NPAT: variants seen among roughly 807,000 people sequenced by gnomAD.
NPAT encodes protein NPAT.
In NPAT, 52 loss-of-function variants were observed where a neutral mutation model predicts 130.7. The observed-to-expected ratio is 0.40, with a 90% CI of 0.32 to 0.50. NPAT has a LOEUF of 0.50. NPAT is among the 20% of genes least tolerant of loss of function. NPAT has a pLI of 0.68. For missense variants in NPAT, 1,687 were observed against 1,662.6 expected, an observed-to-expected ratio of 1.01 and a Z score of -0.26; for synonymous variants, 580 against 584.8, an observed-to-expected ratio of 0.99 and a Z score of 0.12.
At position 108,173,458 on chromosome 11, in the gene NPAT, A is replaced by T; in HGVS notation, c.1526T>A (p.Ile509Lys). ...ACAACCAAGTGAAACAAATGAAGTT[A>T]TTGGTATATCAGGCTGATCAGGCTG... ...QLQPDQPDIP[I>K]TSFVSLGCEA... Residue 509 changes from isoleucine (I) to lysine (K), a missense_variant, in exon 13 of 18, where the codon ATA becomes AAA. Physicochemically the swap from Ile to Lys is moderately radical, Grantham distance 102 (BLOSUM62 -3). This residue lies in a region of NPAT where 1,379 missense variants were observed against 1,346.6 expected (regional missense o/e 1.02). Coordinates refer to ENST00000278612, the MANE Select transcript of NPAT (RefSeq NM_002519.3). The T allele has an allele frequency of 6.2e-7, 1 of 1,614,200 alleles. No homozygotes were observed. Among genetic ancestry groups the T allele is most frequent in the Non-Finnish European group, 8.5e-7 (1 of 1,180,028 alleles).
At chr11:108,179,313 G>A (rs182510110) in intron 10 of NPAT, among the ~76,000 whole-genome samples, 16 of 152,012 alleles carry the variant, frequency 1.1e-4, no homozygotes, top group Admixed American at 5.9e-4. Flanking sequence ...CGTTGCCCAG[G>A]CTAGAGTGCA....
At chr11:108,178,932 G>A (rs140551864) in intron 10 of NPAT, among the ~76,000 whole-genome samples, 1,964 of 152,202 alleles carry the variant, frequency 0.013, 53 homozygotes, top group African/African-American at 0.044. Context: ...TCTTGAAACA[G>A]AAGAACAAAT....
chr11:108,202,535 A>C (rs1591411901), intron 1 of NPAT, among the ~76,000 whole-genome samples: 1 of 152,204 alleles, frequency 6.6e-6, no homozygotes, highest in Non-Finnish European at 1.5e-5. Context: ...CCAGCCAGGT[A>C]GTTCTTAAAA....
At chr11:108,192,506 A>G (rs1396863684) in intron 3 of NPAT, among the ~76,000 whole-genome samples, 2 of 152,200 alleles carry the variant, frequency 1.3e-5, no homozygotes, top group African/African-American at 2.4e-5. Context: ...GTTCTATCTG[A>G]TATCATGTGA....
chr11:108,197,600 T>C (rs2078235655), intron 1 of NPAT, among the ~76,000 whole-genome samples, 180 bp from the exon 2 acceptor site: 1 of 152,244 alleles, frequency 6.6e-6, no homozygotes, highest in Non-Finnish European at 1.5e-5. Context: ...GTACAGTTCA[T>C]AGAACAGGTG....
At chr11:108,209,552 AAAAC>A (rs1422172331) in intron 1 of NPAT, among the ~76,000 whole-genome samples, 1 of 152,160 alleles carries the variant, frequency 6.6e-6, no homozygotes, top group Admixed American at 6.5e-5. Context: ...ATCTTGTCTC[AAAAC>A]AAACAAACAA....
At chr11:108,181,970 G>C (rs932872539) in intron 10 of NPAT, among the ~76,000 whole-genome samples, 7 of 152,134 alleles carry the variant, frequency 4.6e-5, no homozygotes, top group African/African-American at 1.7e-4. Context: ...CTTTTCAAGG[G>C]GTGGGGCCTG....
At chr11:108,190,631 C>CA (rs1346331424) in intron 4 of NPAT, 131 bp from the exon 5 acceptor site, 1 of 762,110 alleles carries the variant, frequency 1.3e-6, no homozygotes, top group Non-Finnish European at 2.3e-6. Context: ...ACAAAAAAGA[C>CA]AAACACACAC....
Position 108,169,779 on chromosome 11 carries a change from T to C in NPAT, c.2975A>G (p.Gln992Arg), listed in dbSNP as rs2077932784. The C allele has an allele frequency of 3.1e-6, 5 of 1,611,522 alleles. No individual in the cohort carries two copies. Among genetic ancestry groups the C allele is most frequent in the Non-Finnish European group, 3.4e-6 (4 of 1,177,746 alleles). The change falls in exon 15 of 18, where the codon CAG (glutamine) becomes CGG (arginine). Residue 992 changes from glutamine (Q) to arginine (R), a missense_variant. Physicochemically the swap from Gln to Arg is conservative, Grantham distance 43. Coordinates refer to ENST00000278612, the MANE Select transcript of NPAT (RefSeq NM_002519.3). The stretch of plus-strand genomic sequence containing the variant: ...CTTGTTTCTTAGTCCCTGAGCCTTC[T>C]GAGATTTTGGAGGGACGGGGAATTG... ...IPQFPVPPKSQKAQGLRNKPC... is the reference protein window; with the variant it reads ...IPQFPVPPKSRKAQGLRNKPC...
rs752727097 is a variant in NPAT at position 108,161,921 on chromosome 11, A to C, written c.3165T>G (p.Ala1055=). ...GTACACGTCTGTGGCATGGTTTAGC[A>C]GCTGGAACTATACTCTCTTCTGGGA... ...VPFPEESIVP[A]AKPCHRRVLC... is the part of the protein sequence containing the mutation. The change falls in exon 17 of 18, where the codon GCT becomes GCG. Residue 1055 remains alanine, a synonymous_variant. Transcript: ENST00000278612. The C allele has an allele frequency of 1.2e-6, 2 of 1,610,878 alleles. No individual in the cohort carries two copies. The highest frequency in any genetic ancestry group is 4.5e-5 in the East Asian group (2 of 44,854).
chr11:108,162,190 T>C lies in NPAT; in HGVS notation c.3011-10A>G, dbSNP rs912112823. The C allele has an allele frequency of 6.2e-7, 1 of 1,609,216 alleles. No homozygotes were observed. Among genetic ancestry groups the C allele is most frequent in the Non-Finnish European group, 8.5e-7 (1 of 1,175,768 alleles). On this transcript the variant is annotated splice_polypyrimidine_tract_variant and intron_variant, in intron 15 of 17. Coordinates refer to ENST00000278612, the MANE Select transcript of NPAT (RefSeq NM_002519.3). ...TTATTTACTTGTTTTCCTGAAATTATAAATGAACATTCCTGAGAAAAAGAA... is the reference window on the plus strand; with the variant it reads ...TTATTTACTTGTTTTCCTGAAATTACAAATGAACATTCCTGAGAAAAAGAA...
chr11:108,186,332 G>A (rs2078107770), intron 8 of NPAT, 150 bp downstream of exon 8: 1 of 662,808 alleles, frequency 1.5e-6, no homozygotes, highest in Non-Finnish European at 2.7e-6. Context: ...TTTATTAAAT[G>A]ATCCAACAAC....
rs1168290657 is a variant in NPAT at position 108,160,876 on chromosome 11, T to C, written c.4206+4A>G. 1 of 1,610,582 alleles carries C rather than the reference T, an allele frequency of 6.2e-7. No homozygotes were observed. Among genetic ancestry groups the C allele is most frequent in the African/African-American group, 1.3e-5 (1 of 74,836 alleles). On this transcript the variant is annotated splice_donor_region_variant and intron_variant, in intron 17 of 17. Coordinates refer to ENST00000278612, the MANE Select transcript of NPAT (RefSeq NM_002519.3). ...GGTTTTGAAATTAAAACTTTCAAAC[T>C]TGCCTTAATTTTCTTCTTTTTCATT...
At chr11:108,188,251 A>G in intron 6 of NPAT, 72 bp from the exon 7 acceptor site, 3 of 1,081,994 alleles carry the variant, frequency 2.8e-6, no homozygotes, top group Non-Finnish European at 4.3e-6. Context: ...TGGGATAAAA[A>G]GCATTAGTGA....
chr11:108,178,761 G>T (rs1047821297), intron 10 of NPAT, among the ~76,000 whole-genome samples: 1 of 152,180 alleles, frequency 6.6e-6, no homozygotes, highest in East Asian at 1.9e-4. Context: ...GGGAGGCTAA[G>T]GCAGGGGAAT....
rs901054182 is a variant in NPAT, at chr11:108,192,231, A to T, written c.218-41T>A. The T allele has an allele frequency of 2.4e-6, 3 of 1,263,508 alleles. No homozygotes were observed. In the African/African-American group the frequency reaches 4.4e-5, roughly 19 times the overall value. 78.3% of individuals were successfully genotyped at this position (1,263,508 alleles called of 1,614,324 possible). ...AAAGGTTCTTAATAAACCCAGCTGA[A>T]GAAATTTCATCATTCATTCTGAACA... On this transcript the variant is annotated intron_variant, in intron 3 of 17. Coordinates refer to ENST00000278612, the MANE Select transcript of NPAT (RefSeq NM_002519.3).
At chr11:108,196,909 C>T (rs931347287) in intron 2 of NPAT, among the ~76,000 whole-genome samples, 9 of 152,132 alleles carry the variant, frequency 5.9e-5, no homozygotes, top group Non-Finnish European at 7.4e-5. Context: ...CCACTATGTA[C>T]CAAATGATGG....
intron 6 of NPAT, among the ~76,000 whole-genome samples, chr11:108,188,788 G>C (rs928409532): frequency 3.3e-5 from 5 of 152,074 alleles, no homozygotes; most frequent in South Asian, 4.1e-4. Context: ...CATCAACAAA[G>C]GCAAGGAAGT....
At chr11:108,180,081 C>T (rs1340629689) in intron 10 of NPAT, among the ~76,000 whole-genome samples, 1 of 152,154 alleles carries the variant, frequency 6.6e-6, no homozygotes, top group East Asian at 1.9e-4. Flanking sequence ...AGTCCTAGCA[C>T]TTTGAGAGGC....
Sources: allele counts gnomAD v4.1 joint callset (sites outside exome capture counted in the v4.1 genomes callset), GRCh38; gene constraint gnomAD v4.1.1; regional missense constraint gnomAD v4.1.1; transcripts MANE v1.5; gene names NCBI Gene and HGNC (gene_info 2026-07-23, HGNC 2026-07-21).